Variants in BCL2L13 observed in about 807,000 individuals in gnomAD.
BCL2L13 encodes bcl-2-like protein 13.
In BCL2L13, 13 loss-of-function variants were observed where a neutral mutation model predicts 25.8. The ratio of observed to expected loss-of-function variants is 0.50; its 90% CI spans 0.33 to 0.80. The LOEUF (loss-of-function observed/expected upper bound fraction) is 0.80. Among genes scored for constraint, BCL2L13 ranks in the 30% least tolerant of loss-of-function variants. BCL2L13 has a pLI of 0.02. For missense variants in BCL2L13, 504 were observed against 574.9 expected, an observed-to-expected ratio of 0.88 and a Z score of 1.26; for synonymous variants, 244 against 230.3, an observed-to-expected ratio of 1.06 and a Z score of -0.54.
At chr22:17,708,699 A>G (rs1266083019) in intron 6 of BCL2L13, among the ~76,000 whole-genome samples, 2 of 152,156 alleles carry the variant, frequency 1.3e-5, no homozygotes, top group Non-Finnish European at 2.9e-5. Flanking sequence ...GGTTTATCCC[A>G]TGAGTTTTAT....
In BCL2L13 at chr22:17,671,636, C is replaced by T. The variant is rs577184029; in HGVS notation, c.122-11578C>T. ...TAGAGACATTTGTTTCGCCATGTTC[C>T]TCAGGCTGGTCTCAAACTTCTGAGC... On this transcript the variant is annotated intron_variant, in intron 2 of 6. Transcript: ENST00000317582. Among the ~76,000 whole-genome samples the T allele has an allele frequency of 3.3e-5, 5 of 151,972 alleles. No individual in the cohort carries two copies. In the East Asian group the frequency reaches 9.7e-4, roughly 29 times the overall value.
intron 1 of BCL2L13, among the ~76,000 whole-genome samples, chr22:17,650,071 T>C (rs1342516710): frequency 6.6e-6 from 1 of 151,440 alleles, no homozygotes; most frequent in Non-Finnish European, 1.5e-5. Context: ...GGTTTCACCA[T>C]GTTGGCCAGG....
At chr22:17,681,551 G>A (rs140791820) in intron 2 of BCL2L13, among the ~76,000 whole-genome samples, 11 of 151,918 alleles carry the variant, frequency 7.2e-5, no homozygotes, top group Admixed American at 7.2e-4. Flanking sequence ...TTAAACCAAG[G>A]CTTATAGAGG....
intron 6 of BCL2L13, among the ~76,000 whole-genome samples, chr22:17,706,207 A>G (rs2060585861): frequency 6.6e-6 from 1 of 151,908 alleles, no homozygotes; most frequent in South Asian, 2.1e-4. Flanking sequence ...GAGAGGTTTC[A>G]CTATGTTGCC....
chr22:17,667,446 C>T (rs754383701), intron 2 of BCL2L13, among the ~76,000 whole-genome samples: 27 of 152,054 alleles, frequency 1.8e-4, no homozygotes, highest in Non-Finnish European at 1.5e-5. Context: ...GCTGGAATTA[C>T]AGGCGTGAGC....
intron 6 of BCL2L13, among the ~76,000 whole-genome samples, chr22:17,720,069 T>A (rs2061069454): frequency 6.6e-6 from 1 of 151,944 alleles, no homozygotes; most frequent in South Asian, 2.1e-4. Context: ...ATGATGGAAA[T>A]TTTCTGGCAA....
At chr22:17,681,498 GAA>G (rs58442419) in intron 2 of BCL2L13, among the ~76,000 whole-genome samples, 2 of 135,170 alleles carry the variant, frequency 1.5e-5, no homozygotes, top group Non-Finnish European at 1.6e-5. Flanking sequence ...GACTCCGTCT[GAA>G]AAAAAAAAAA....
At chr22:17,653,124 T>C (rs1353810231) in intron 1 of BCL2L13, among the ~76,000 whole-genome samples, 3 of 152,116 alleles carry the variant, frequency 2.0e-5, no homozygotes, top group Admixed American at 1.3e-4. Flanking sequence ...TTCTACTGAA[T>C]GCATATTCTG....
intron 1 of BCL2L13, among the ~76,000 whole-genome samples, chr22:17,643,627 TTTTA>T (rs1308493678): frequency 3.3e-5 from 5 of 152,198 alleles, no homozygotes; most frequent in African/African-American, 9.6e-5. Context: ...TTTATTTTTA[TTTTA>T]TTTATTTATT....
rs1228835910 is a variant in BCL2L13 at position 17,631,682 on chromosome 22, A to G, written c.-650+2677A>G. On this transcript the variant is annotated intron_variant, in intron 1 of 6. Coordinates refer to the BCL2L13 transcript ENST00000399782. ...TATGTGTGTGTGTGTATATATATAT[A>G]TATATATATATATATATATATATAT... is the stretch of plus-strand genomic sequence containing the variant. Among the ~76,000 whole-genome samples the G allele has an allele frequency of 6.2e-3, 165 of 26,680 alleles. 19 individuals are homozygous for G. Among genetic ancestry groups the G allele is most frequent in the Admixed American group, 0.06 (92 of 1,540 alleles). The allele number at this position is 26,680 out of a possible 152,430, so 17.5% of individuals were successfully genotyped here.
intron 6 of BCL2L13, among the ~76,000 whole-genome samples, chr22:17,719,569 C>T (rs2061044120): frequency 6.6e-6 from 1 of 152,048 alleles, no homozygotes; most frequent in African/African-American, 2.4e-5. Context: ...ATATTATTCT[C>T]AGCCATAAAG....
At chr22:17,682,858 G>A (rs546915292) in intron 2 of BCL2L13, among the ~76,000 whole-genome samples, 1 of 152,314 alleles carries the variant, frequency 6.6e-6, no homozygotes, top group Non-Finnish European at 1.5e-5. Flanking sequence ...GTAGGGCTGG[G>A]TGCAGTGGCT....
chr22:17,723,660 C>T (rs866317020), intron 6 of BCL2L13, among the ~76,000 whole-genome samples: 3 of 152,134 alleles, frequency 2.0e-5, no homozygotes, highest in East Asian at 1.9e-4. Context: ...TCGGGCCGGG[C>T]GCGGTGTCTC....
chr22:17,685,760 C>CTTTTTCTTTT lies in BCL2L13; in HGVS notation c.229+2444_229+2445insCTTTTTTTTT, dbSNP rs1284074134. On this transcript the variant is annotated intron_variant, in intron 3 of 6. Coordinates refer to ENST00000317582, the MANE Select transcript of BCL2L13 (RefSeq NM_015367.4). ...TATTGCCCAATAATTTTTTCTTTTT[C>CTTTTTCTTTT]TTTTTTTTTTTTTTTTTTTTTTTTT... 1.1e-3 allele frequency among the ~76,000 whole-genome samples: 68 copies of CTTTTTCTTTT among 60,602 alleles called. 1 individual carries two copies. Among genetic ancestry groups the CTTTTTCTTTT allele is most frequent in the South Asian group, 2.2e-3 (3 of 1,378 alleles). The allele number at this position is 60,602 out of a possible 152,430, so 39.8% of individuals were successfully genotyped here.
At chr22:17,658,142 C>A (rs2058946752) in intron 2 of BCL2L13, among the ~76,000 whole-genome samples, 1 of 150,480 alleles carries the variant, frequency 6.6e-6, no homozygotes, top group Admixed American at 6.6e-5. Flanking sequence ...TCGTCCAATT[C>A]ACCCTTTCTT....
intron 3 of BCL2L13, chr22:17,684,801 T>C (rs1054438697): frequency 2.1e-4 from 74 of 344,354 alleles, no homozygotes; most frequent in Middle Eastern, 2.1e-3. Context: ...GGCGGGATCT[T>C]GGCTCACTGC....
chr22:17,634,449 T>C (rs1461760388), upstream of BCL2L13, among the ~76,000 whole-genome samples: 1 of 152,324 alleles, frequency 6.6e-6, no homozygotes, highest in South Asian at 2.1e-4. Flanking sequence ...GCTCCCAAAG[T>C]GTTGGGACTA....
chr22:17,701,096 AT>A (rs201810138), intron 5 of BCL2L13, among the ~76,000 whole-genome samples: 10 of 150,460 alleles, frequency 6.6e-5, no homozygotes, highest in East Asian at 3.9e-4. Context: ...TTCAATATGC[AT>A]TTTTTTTTAA....
chr22:17,687,092 A>G (rs1220921575), intron 3 of BCL2L13, among the ~76,000 whole-genome samples: 1 of 152,214 alleles, frequency 6.6e-6, no homozygotes, highest in East Asian at 1.9e-4. Context: ...CATACTTTAT[A>G]GTAAAATTTG....
Sources: allele counts gnomAD v4.1 joint callset (sites outside exome capture counted in the v4.1 genomes callset), GRCh38; gene constraint gnomAD v4.1.1; transcripts MANE v1.5; gene names NCBI Gene and HGNC (gene_info 2026-07-23, HGNC 2026-07-21).